The following HLA-DRB5 variants were observed in gnomAD, a reference collection of about 807,000 sequenced individuals.
HLA-DRB5 encodes major histocompatibility complex, class II, DR beta 5, also known as DR beta-5.
Under a neutral mutation model 22.4 loss-of-function variants are expected in HLA-DRB5, and 11 were observed. That is an observed-to-expected ratio of 0.49 (90% confidence interval 0.31 to 0.81). HLA-DRB5 has a LOEUF of 0.81. Ranked by LOEUF, HLA-DRB5 falls within the 40% of genes least tolerant of loss-of-function variation. HLA-DRB5 has a pLI of 0.05. For missense variants in HLA-DRB5, 106 were observed against 274.4 expected (o/e 0.39, Z 4.34); for synonymous variants, 57 against 106.0 (o/e 0.54, Z 2.84).
chr6:32,519,826 G>A (rs114481954), intron 2 of HLA-DRB5, among the ~76,000 whole-genome samples, 175 bp from the exon 3 acceptor site: 39,882 of 62,538 alleles, frequency 0.64, 16,908 homozygotes, highest in Middle Eastern at 0.79. Flanking sequence ...TATAGTGGGG[G>A]CTCATCAGAT....
At chr6:32,529,528 A>G (rs115386562) in intron 1 of HLA-DRB5, among the ~76,000 whole-genome samples, 210 of 55,362 alleles carry the variant, frequency 3.8e-3, no homozygotes, top group Middle Eastern at 0.012. Context: ...TTCAGCTCCA[A>G]GGATTTTTCC....
intron 1 of HLA-DRB5, among the ~76,000 whole-genome samples, chr6:32,526,978 A>T (rs539094532): frequency 0.41 from 16,636 of 40,566 alleles, 6,624 homozygotes; most frequent in Admixed American, 0.5. Flanking sequence ...ACCTTTCACT[A>T]ATTTGTCAAA....
chr6:32,525,822 C>CATTCTCATGACCTAG (rs1769542349), intron 1 of HLA-DRB5, among the ~76,000 whole-genome samples: 1 of 76,920 alleles, frequency 1.3e-5, no homozygotes, highest in Non-Finnish European at 2.7e-5. Context: ...TGATGGAGAC[C>CATTCTCATGACCTAG]AGATTCATTT....
At chr6:32,523,849 G>GA (rs1769261866) in intron 1 of HLA-DRB5, among the ~76,000 whole-genome samples, 1 of 109,962 alleles carries the variant, frequency 9.1e-6, no homozygotes. Context: ...GTGTGAAACA[G>GA]TGCTCTCAGC....
At chr6:32,522,350 C>A (rs187653175) in intron 1 of HLA-DRB5, among the ~76,000 whole-genome samples, 176 bp from the exon 2 acceptor site, 1 of 34,086 alleles carries the variant, frequency 2.9e-5, no homozygotes, top group African/African-American at 1.1e-4. Context: ...CTGAGGCGAA[C>A]GGGGTGTCTG....
intron 2 of HLA-DRB5, among the ~76,000 whole-genome samples, chr6:32,521,492 C>A (rs112477119): frequency 8.5e-6 from 1 of 117,530 alleles, no homozygotes. Context: ...TCTTCCACAC[C>A]CCTCAGCTCT....
At chr6:32,518,802 GAAA>G in intron 3 of HLA-DRB5, 136 bp from the exon 4 acceptor site, 1 of 260,870 alleles carries the variant, frequency 3.8e-6, no homozygotes, top group Non-Finnish European at 6.6e-6. Flanking sequence ...CATTTCTGGA[GAAA>G]AAAAAGGTTT....
At chr6:32,520,251 G>A (rs1266740284) in intron 2 of HLA-DRB5, among the ~76,000 whole-genome samples, 74 of 42,142 alleles carry the variant, frequency 1.8e-3, no homozygotes, top group Non-Finnish European at 2.5e-3. Context: ...AGAAAAATAT[G>A]ATTTAAAGTA....
At chr6:32,529,581 G>A (rs535043779) in intron 1 of HLA-DRB5, among the ~76,000 whole-genome samples, 1,065 of 77,598 alleles carry the variant, frequency 0.014, 5 homozygotes, top group Admixed American at 0.018. Context: ...CAGAGACCTT[G>A]CATACATTAC....
chr6:32,528,462 G>C (rs185667134), intron 1 of HLA-DRB5, among the ~76,000 whole-genome samples: 2,719 of 33,970 alleles, frequency 0.08, 56 homozygotes, highest in Middle Eastern at 0.18. Flanking sequence ...TCTGGGAACT[G>C]ATCACTGCAA....
chr6:32,526,034 T>G, intron 1 of HLA-DRB5, among the ~76,000 whole-genome samples: 1 of 98,290 alleles, frequency 1.0e-5, no homozygotes, highest in Non-Finnish European at 2.2e-5. Context: ...TCAGCCTCTT[T>G]AGCCTTTTCC....
In HLA-DRB5 at chr6:32,522,044, C is replaced by T; in HGVS notation, c.231G>A (p.Arg77=). 2.5e-6 allele frequency: 4 copies of T among 1,569,776 alleles called. No homozygotes were observed. The highest frequency in any genetic ancestry group is 3.4e-4 in the Middle Eastern group (2 of 5,912). The change falls in exon 2 of 6, where the codon CGG becomes CGA. Residue 77 remains arginine (R), a synonymous_variant. Coordinates refer to ENST00000374975, the MANE Select transcript of HLA-DRB5 (RefSeq NM_002125.4). ...CAGGCCGCCCCAGCTCCGTCACCGCCCGGTACTCCCCCACGTCGCTGTCGA... is the reference window on the plus strand; with the variant it reads ...CAGGCCGCCCCAGCTCCGTCACCGCTCGGTACTCCCCCACGTCGCTGTCGA... The part of the protein sequence containing the change: ...LRFDSDVGEY[R]AVTELGRPDA...
chr6:32,525,211 TTG>T (rs1292657661), intron 1 of HLA-DRB5, among the ~76,000 whole-genome samples: 3,382 of 41,678 alleles, frequency 0.081, 860 homozygotes, highest in Middle Eastern at 0.14. Flanking sequence ...AAAATATGAA[TTG>T]AAATATGACC....
At chr6:32,528,070 CA>C (rs1277466443) in intron 1 of HLA-DRB5, among the ~76,000 whole-genome samples, 292 of 39,368 alleles carry the variant, frequency 7.4e-3, no homozygotes, top group Admixed American at 0.011. Context: ...CATAATTTCC[CA>C]CACCAGGGCT....
intron 1 of HLA-DRB5, among the ~76,000 whole-genome samples, chr6:32,524,181 C>T (rs149751241): frequency 0.3 from 29,928 of 100,980 alleles, 6,918 homozygotes; most frequent in Middle Eastern, 0.55. Context: ...CTTGGTCCTA[C>T]ATAAAACGAA....
chr6:32,518,536 C>CG lies in HLA-DRB5; in HGVS notation c.763+19dup. On this transcript the variant is annotated intron_variant, in intron 4 of 5. Coordinates refer to ENST00000374975, the MANE Select transcript of HLA-DRB5 (RefSeq NM_002125.4). ...CTCTGGAAAAGTCTATGGAGAGAGCCGCTACCAAAGGCTCCTCACCTTTCT... is the reference window on the plus strand; with the variant it reads ...CTCTGGAAAAGTCTATGGAGAGAGCCGGCTACCAAAGGCTCCTCACCTTTCT... 2.2e-6 allele frequency: 1 copy of CG among 458,436 alleles called. No homozygotes were observed. The highest frequency in any genetic ancestry group is 2.6e-5 in the South Asian group (1 of 38,092). 28.4% of individuals were successfully genotyped at this position (458,436 alleles called of 1,614,324 possible).
At chr6:32,524,523 T>G (rs80273125) in intron 1 of HLA-DRB5, among the ~76,000 whole-genome samples, 46,820 of 65,284 alleles carry the variant, frequency 0.72, 19,058 homozygotes, top group Middle Eastern at 0.89. Context: ...CCTCAGAAAG[T>G]CAGAAACCAA....
intron 1 of HLA-DRB5, among the ~76,000 whole-genome samples, chr6:32,523,848 A>T (rs76468221): frequency 9.9e-6 from 1 of 100,600 alleles, no homozygotes. Flanking sequence ...AGTGTGAAAC[A>T]GTGCTCTCAG....
chr6:32,518,684 GT>G lies in HLA-DRB5; in HGVS notation c.653-19del. On this transcript the variant is annotated intron_variant, in intron 3 of 5. Coordinates refer to ENST00000374975, the MANE Select transcript of HLA-DRB5 (RefSeq NM_002125.4). ...CTGTGCTCCTGGGAGAGGAAACCAG[GT>G]TTAGTGATTTTTATCCCAAATTGAA... 1.6e-6 allele frequency: 1 copy of G among 618,024 alleles called. No homozygotes were observed. The highest frequency in any genetic ancestry group is 2.3e-6 in the Non-Finnish European group (1 of 443,228). 38.3% of individuals were successfully genotyped at this position (618,024 alleles called of 1,614,324 possible).
Sources: gnomAD v4.1 joint callset for allele counts (sites outside exome capture counted in the v4.1 genomes callset) on GRCh38, gnomAD v4.1.1 for gene constraint, MANE v1.5 for transcripts, NCBI Gene and HGNC (gene_info 2026-07-23, HGNC 2026-07-21) for gene names.